Variants in TECRL observed in about 807,000 individuals in gnomAD.
TECRL encodes the protein trans-2,3-enoyl-CoA reductase like.
Under a neutral mutation model 52.8 loss-of-function variants are expected in TECRL, and 63 were observed. The ratio of observed to expected loss-of-function variants is 1.19; its 90% CI spans 0.97 to 1.47. The LOEUF (loss-of-function observed/expected upper bound fraction) is 1.47. Among genes scored for constraint, TECRL ranks in the 40% most tolerant of loss-of-function variants. The pLI is 0.00. For synonymous variants in TECRL, 164 were observed against 141.9 expected (o/e 1.16, Z -1.10); for missense variants, 482 against 429.6 (o/e 1.12, Z -1.08).
chr4:64,335,453 C>A (rs1718995690), intron 2 of TECRL, among the ~76,000 whole-genome samples: 1 of 152,170 alleles, frequency 6.6e-6, no homozygotes, highest in South Asian at 2.1e-4. Flanking sequence ...TGGTGAGCTA[C>A]ATAATTATTA....
rs1227470757 is a variant in TECRL at position 64,381,374 on chromosome 4, T to G, written c.235-6151A>C. On this transcript the variant is annotated intron_variant, in intron 1 of 11. Transcript: ENST00000381210. ...TCCACATTTCCAATTTGGATGCCCT[T>G]TTTTTTTTTCTTCTTTTTCTTTCCT... Among the ~76,000 whole-genome samples the G allele has an allele frequency of 6.7e-5, 10 of 149,780 alleles. No homozygotes were observed. The Admixed American group carries it at 6.7e-4, about 10-fold the overall frequency.
At chr4:64,374,033 TATATGTATATAGTAGATAC>T (rs1216645394) in intron 2 of TECRL, among the ~76,000 whole-genome samples, 10 of 115,128 alleles carry the variant, frequency 8.7e-5, no homozygotes, top group African/African-American at 3.3e-4. Flanking sequence ...TACATATATA[TATATGTATATAGTAGATAC>T]ATATATATAT....
intron 2 of TECRL, among the ~76,000 whole-genome samples, chr4:64,340,745 G>C (rs577314589): frequency 1.1e-4 from 17 of 152,300 alleles, no homozygotes; most frequent in African/African-American, 3.6e-4. Flanking sequence ...TTCAGGCCGT[G>C]AAGTGCCTGA....
intron 6 of TECRL, among the ~76,000 whole-genome samples, chr4:64,308,758 T>G (rs1210791800): frequency 1.3e-5 from 2 of 152,204 alleles, no homozygotes; most frequent in African/African-American, 2.4e-5. Flanking sequence ...TTACAAATAC[T>G]ATTTTGATAT....
chr4:64,368,445 G>GCCA (rs33987888), intron 2 of TECRL, among the ~76,000 whole-genome samples: 98,729 of 151,664 alleles, frequency 0.65, 33,710 homozygotes, highest in Non-Finnish European at 0.75. Context: ...ACAGGCGCAC[G>GCCA]CCACCACACC....
At chr4:64,374,038 G>GTATACAGTAGATACATATATATA (rs1722175543) in intron 2 of TECRL, among the ~76,000 whole-genome samples, 1 of 94,340 alleles carries the variant, frequency 1.1e-5, no homozygotes, top group African/African-American at 4.5e-5. Flanking sequence ...ATATATATAT[G>GTATACAGTAGATACATATATATA]TATATAGTAG....
intron 2 of TECRL, among the ~76,000 whole-genome samples, chr4:64,337,405 T>G (rs1255786974): frequency 6.6e-6 from 1 of 152,092 alleles, no homozygotes; most frequent in Non-Finnish European, 1.5e-5. Context: ...CTATTCAACA[T>G]AGTGTTGGAA....
chr4:64,369,253 T>A (rs1388248139), intron 2 of TECRL, among the ~76,000 whole-genome samples: 1 of 152,166 alleles, frequency 6.6e-6, no homozygotes, highest in Admixed American at 6.6e-5. Context: ...TTTAGAACAA[T>A]CTCAAAGGAG....
rs1204166228 is a variant in TECRL, at chr4:64,379,242, A to G, written c.235-4019T>C. Reference sequence around the variant, plus strand: ...CTTTTATTTATGCAAACACACACACACACATACACACACACACACACACAC... The same window carrying G: ...CTTTTATTTATGCAAACACACACACGCACATACACACACACACACACACAC... On this transcript the variant is annotated intron_variant, in intron 1 of 11. Transcript: ENST00000381210. Among the ~76,000 whole-genome samples, 14 of 82,234 alleles carry G rather than the reference A, an allele frequency of 1.7e-4. No homozygotes were observed. In the East Asian group the frequency reaches 5.4e-3, roughly 32 times the overall value. The allele number at this position is 82,234 out of a possible 152,430, so 53.9% of individuals were successfully genotyped here. A position where few individuals can be genotyped will look rare whatever the true frequency, so the allele number is the denominator to read the frequency against.
At chr4:64,316,729 C>T (rs1717519494) in intron 4 of TECRL, among the ~76,000 whole-genome samples, 1 of 151,858 alleles carries the variant, frequency 6.6e-6, no homozygotes, top group African/African-American at 2.4e-5. Context: ...CCCTATAATA[C>T]AGAATTATAC....
chr4:64,330,170 G>A (rs1050435400), intron 2 of TECRL, among the ~76,000 whole-genome samples: 2 of 152,022 alleles, frequency 1.3e-5, no homozygotes, highest in African/African-American at 4.8e-5. Context: ...ATTATGCATT[G>A]AATGCAACAA....
At chr4:64,346,153 T>C (rs1719966434) in intron 2 of TECRL, among the ~76,000 whole-genome samples, 1 of 152,134 alleles carries the variant, frequency 6.6e-6, no homozygotes, top group Non-Finnish European at 1.5e-5. Context: ...ATGGGAAAAA[T>C]ACTTTCTTGC....
At chr4:64,315,466 C>T (rs1013438501) in intron 4 of TECRL, among the ~76,000 whole-genome samples, 8 of 151,982 alleles carry the variant, frequency 5.3e-5, no homozygotes, top group Non-Finnish European at 1.0e-4. Context: ...TTTTTTAGTG[C>T]TAAAATCATG....
intron 2 of TECRL, among the ~76,000 whole-genome samples, chr4:64,340,508 C>G (rs1217979892): frequency 6.6e-6 from 1 of 152,226 alleles, no homozygotes; most frequent in African/African-American, 2.4e-5. Context: ...CGGGTTTGTG[C>G]ACACTTGGAG....
In TECRL at chr4:64,322,698, A is replaced by G. The variant is rs776045839; in HGVS notation, c.426T>C (p.Ser142=). 5.0e-5 allele frequency: 80 copies of G among 1,601,994 alleles called. No homozygotes were observed. The highest frequency in any genetic ancestry group is 6.6e-5 in the Non-Finnish European group (78 of 1,173,656). The part of the protein sequence containing the change: ...LYATDLGQQV[S]WTTVFLAEYT... ...TCAAATTAACACTTACTGTGGTCCA[A>G]CTGACTTGTTGACCTAGGTCTGTAG... Residue 142 remains serine, a synonymous_variant, in exon 4 of 12, where the codon AGT becomes AGC. Transcript: ENST00000381210.
At position 64,281,465 on chromosome 4, in the gene TECRL, A is replaced by G; in HGVS notation, c.918+9T>C. The G allele has an allele frequency of 6.5e-7, 1 of 1,531,762 alleles. No individual in the cohort carries two copies. The highest frequency in any genetic ancestry group is 9.0e-7 in the Non-Finnish European group (1 of 1,114,092). 94.9% of individuals were successfully genotyped at this position (1,531,762 alleles called of 1,614,324 possible). A position where few individuals can be genotyped will look rare whatever the true frequency, so the allele number is the denominator to read the frequency against. On this transcript the variant is annotated intron_variant, in intron 10 of 11. Transcript: ENST00000381210. ...AGGATTCAAGCATTTACATACATAA[A>G]TAACATACCTCATAGGTGTAGTTAG...
intron 5 of TECRL, among the ~76,000 whole-genome samples, chr4:64,312,501 CCTATA>C (rs1717105759): frequency 6.6e-6 from 1 of 152,150 alleles, no homozygotes; most frequent in African/African-American, 2.4e-5. Context: ...GTGGTGCATG[CCTATA>C]ATCCAGGCAC....
chr4:64,303,872 A>G (rs562385386), intron 7 of TECRL, among the ~76,000 whole-genome samples: 12 of 152,018 alleles, frequency 7.9e-5, no homozygotes, highest in African/African-American at 2.9e-4. Flanking sequence ...TGTCATAAGT[A>G]TTAAAATGCT....
chr4:64,309,698 G>C, intron 6 of TECRL, 128 bp downstream of exon 6: 1 of 704,368 alleles, frequency 1.4e-6, no homozygotes, highest in Admixed American at 2.6e-5. Flanking sequence ...GGAAAAGAAT[G>C]TTTAAGTATG....
Sources: gnomAD v4.1 joint callset for allele counts (sites outside exome capture counted in the v4.1 genomes callset) on GRCh38, gnomAD v4.1.1 for gene constraint, MANE v1.5 for transcripts, NCBI Gene and HGNC (gene_info 2026-07-23, HGNC 2026-07-21) for gene names.